GTF2F2: variants seen among roughly 807,000 people sequenced by gnomAD.
GTF2F2 encodes the protein ATP-dependent helicase GTF2F2.
GTF2F2 carries 23 observed loss-of-function variants against 42.2 expected under a neutral mutation model. That is an observed-to-expected ratio of 0.55 (90% CI 0.39 to 0.77). GTF2F2 has a LOEUF of 0.77. GTF2F2 is among the 30% of genes least tolerant of loss of function. GTF2F2 has a pLI of 0.00. For missense variants in GTF2F2, 261 were observed against 287.2 expected (o/e 0.91, Z 0.66); for synonymous variants, 105 against 100.8 (o/e 1.04, Z -0.25).
At chr13:45,214,302 A>G (rs1377873827) in intron 5 of GTF2F2, among the ~76,000 whole-genome samples, 1 of 152,200 alleles carries the variant, frequency 6.6e-6, no homozygotes, top group Admixed American at 6.5e-5. Flanking sequence ...TCATTCATTT[A>G]GATAAAGGTG....
At chr13:45,236,950 C>G (rs1875023955) in intron 5 of GTF2F2, among the ~76,000 whole-genome samples, 1 of 152,126 alleles carries the variant, frequency 6.6e-6, no homozygotes, top group African/African-American at 2.4e-5. Context: ...AAATGGTTAT[C>G]ATGAGTAATC....
intron 7 of GTF2F2, among the ~76,000 whole-genome samples, chr13:45,277,415 A>G (rs1446795744): frequency 6.6e-5 from 10 of 152,100 alleles, no homozygotes; most frequent in Non-Finnish European, 1.5e-5. Context: ...CTTTTAAACG[A>G]CTAGATGGCA....
intron 4 of GTF2F2, among the ~76,000 whole-genome samples, chr13:45,191,479 T>C (rs1356071054): frequency 1.3e-5 from 2 of 151,756 alleles, no homozygotes; most frequent in Non-Finnish European, 2.9e-5. Flanking sequence ...AGAAATACTC[T>C]GAAAGCTTCA....
At chr13:45,193,427 A>G (rs1220686149) in intron 4 of GTF2F2, 1 of 172,280 alleles carries the variant, frequency 5.8e-6, no homozygotes, top group Non-Finnish European at 1.2e-5. Flanking sequence ...TTTTATTACC[A>G]TTTACTTAAA....
At chr13:45,253,953 G>A (rs898709783) in intron 6 of GTF2F2, among the ~76,000 whole-genome samples, 4 of 151,922 alleles carry the variant, frequency 2.6e-5, no homozygotes, top group Non-Finnish European at 5.9e-5. Flanking sequence ...TGTGCCTGTA[G>A]TCCCAGCTGC....
intron 4 of GTF2F2, among the ~76,000 whole-genome samples, chr13:45,168,240 C>T (rs558318465): frequency 5.9e-5 from 9 of 152,306 alleles, no homozygotes; most frequent in African/African-American, 9.6e-5. Context: ...TGTCAGTGTT[C>T]GCCCATAGCC....
chr13:45,162,859 T>A (rs1871103512), intron 4 of GTF2F2, among the ~76,000 whole-genome samples: 1 of 152,152 alleles, frequency 6.6e-6, no homozygotes, highest in Non-Finnish European at 1.5e-5. Context: ...ACAGCTGTAT[T>A]TCATAAGTGT....
intron 6 of GTF2F2, among the ~76,000 whole-genome samples, chr13:45,254,613 C>T (rs1250913898): frequency 6.6e-6 from 1 of 152,148 alleles, no homozygotes; most frequent in African/African-American, 2.4e-5. Flanking sequence ...AGTAATTTAT[C>T]AGTCCAGGTG....
chr13:45,268,086 C>G (rs1291803715), intron 7 of GTF2F2, among the ~76,000 whole-genome samples: 1 of 152,012 alleles, frequency 6.6e-6, no homozygotes, highest in East Asian at 1.9e-4. Flanking sequence ...TTTTTCTAGT[C>G]TTTGAGTCAC....
At chr13:45,127,670 C>T (rs756259864) in intron 1 of GTF2F2, among the ~76,000 whole-genome samples, 2 of 151,822 alleles carry the variant, frequency 1.3e-5, no homozygotes, top group South Asian at 4.2e-4. Context: ...TTGCTCTTGT[C>T]GCCCAGGCTG....
At chr13:45,255,177 A>AG (rs905827803) in intron 6 of GTF2F2, among the ~76,000 whole-genome samples, 3 of 151,556 alleles carry the variant, frequency 2.0e-5, no homozygotes, top group African/African-American at 7.3e-5. Context: ...AAAAAAAAAA[A>AG]AAAAAAAAAA....
Position 45,266,372 on chromosome 13 carries a change from A to G in GTF2F2, c.487-861A>G, listed in dbSNP as rs111665060. ...CTCTTGTTAAACTAACTTTTATTGTATGGGAAGAGAAACAGGTTCAAGGAG... is the reference window on the plus strand; with the variant it reads ...CTCTTGTTAAACTAACTTTTATTGTGTGGGAAGAGAAACAGGTTCAAGGAG... On this transcript the variant is annotated intron_variant, in intron 6 of 7. Transcript: ENST00000340473. 4.3e-3 allele frequency among the ~76,000 whole-genome samples: 649 copies of G among 152,290 alleles called. 12 individuals carry two copies. Among genetic ancestry groups the G allele is most frequent in the African/African-American group, 0.015 (616 of 41,562 alleles).
At chr13:45,244,641 G>T (rs1875493217) in intron 5 of GTF2F2, among the ~76,000 whole-genome samples, 2 of 152,036 alleles carry the variant, frequency 1.3e-5, no homozygotes, top group South Asian at 2.1e-4. Flanking sequence ...TATGACCAAG[G>T]TTATACAATG....
chr13:45,254,064 C>T lies in GTF2F2; in HGVS notation c.486+1094C>T, dbSNP rs1475679767. Among the ~76,000 whole-genome samples, 3 of 140,476 alleles carry T rather than the reference C, an allele frequency of 2.1e-5. No homozygotes were observed. In the East Asian group the frequency reaches 6.1e-4, roughly 29 times the overall value. 92.2% of individuals were successfully genotyped at this position (140,476 alleles called of 152,430 possible). The stretch of plus-strand genomic sequence containing the variant: ...GTGACAGAGTGACAGAGCGAGACTC[C>T]GTCTCAAAAAAAAAAAAAAAAAGAA... On this transcript the variant is annotated intron_variant, in intron 6 of 7. Coordinates refer to ENST00000340473, the MANE Select transcript of GTF2F2 (RefSeq NM_004128.3).
At chr13:45,243,234 G>T (rs1875410492) in intron 5 of GTF2F2, among the ~76,000 whole-genome samples, 1 of 152,064 alleles carries the variant, frequency 6.6e-6, no homozygotes, top group Non-Finnish European at 1.5e-5. Context: ...GTTCCTCAAC[G>T]CCTGGGCCGC....
intron 5 of GTF2F2, among the ~76,000 whole-genome samples, chr13:45,218,623 G>A (rs955135699): frequency 9.2e-5 from 14 of 152,274 alleles, no homozygotes; most frequent in African/African-American, 3.4e-4. Flanking sequence ...GCCTGTCCTT[G>A]CAGGCACTGG....
At chr13:45,191,224 A>AAAAAAATATATATAT in intron 4 of GTF2F2, among the ~76,000 whole-genome samples, 37 of 75,302 alleles carry the variant, frequency 4.9e-4, no homozygotes, top group East Asian at 3.9e-3. Context: ...ACAAAAAAAA[A>AAAAAAATATATATAT]ATATATATAT....
intron 4 of GTF2F2, chr13:45,194,593 T>G: frequency 6.3e-7 from 1 of 1,589,824 alleles, no homozygotes; most frequent in Non-Finnish European, 8.6e-7. Context: ...TTTCAGCTTG[T>G]TCTTCTTGGC....
intron 1 of GTF2F2, among the ~76,000 whole-genome samples, chr13:45,131,565 G>T (rs1869350141): frequency 6.6e-6 from 1 of 152,092 alleles, no homozygotes; most frequent in Non-Finnish European, 1.5e-5. Context: ...AGAGGAGTAA[G>T]TGTAGACAGC....
Sources: gnomAD v4.1 joint callset for allele counts (sites outside exome capture counted in the v4.1 genomes callset) on GRCh38, gnomAD v4.1.1 for gene constraint, MANE v1.5 for transcripts, NCBI Gene and HGNC (gene_info 2026-07-23, HGNC 2026-07-21) for gene names.